Variants in ZNF316 observed in about 807,000 individuals in gnomAD.
The protein encoded by ZNF316 is zinc finger protein 316.
A neutral mutation model predicts 75.6 loss-of-function variants in ZNF316; 23 were observed. The ratio of observed to expected loss-of-function variants is 0.30; its 90% CI spans 0.22 to 0.43. ZNF316 has a LOEUF of 0.43. Among genes scored for constraint, ZNF316 ranks in the 20% least tolerant of loss-of-function variants. ZNF316 has a pLI of 1.00. For synonymous variants in ZNF316, 827 were observed against 666.2 expected (o/e 1.24, Z -3.72); for missense variants, 1,266 against 1,409.4 (o/e 0.90, Z 1.63).
In ZNF316 at chr7:6,643,936, C is replaced by G; in HGVS notation, c.580C>G (p.Leu194Val). The G allele has an allele frequency of 8.1e-7, 1 of 1,232,932 alleles. No individual in the cohort carries two copies. The highest frequency in any genetic ancestry group is 1.0e-6 in the Non-Finnish European group (1 of 988,464). 76.4% of individuals were successfully genotyped at this position (1,232,932 alleles called of 1,614,324 possible). Residue 194 changes from leucine (L) to valine (V), a missense_variant, in exon 7 of 9, where the codon CTC (leucine) becomes GTC (valine). By Grantham distance (32) the Leu-to-Val change is conservative (BLOSUM62 1). This residue lies in a region of ZNF316 where 961 missense variants were observed against 990.9 expected (regional missense o/e 0.97). Coordinates refer to ENST00000382252, the MANE Select transcript of ZNF316 (RefSeq NM_001278559.2). ...AGTCATGCAGGAGAACTATGGGATT[C>G]TCGTGTCCTTGGGTAAGGACGGGAC... The part of the protein sequence containing the change: ...QEVMQENYGI[L>V]VSLGYPIPKP...
At chr7:6,644,651 A>C in intron 8 of ZNF316, 58 bp downstream of exon 8, 1 of 1,062,698 alleles carries the variant, frequency 9.4e-7, no homozygotes. Flanking sequence ...CTGTTGTCAA[A>C]CTTTGGCCTT....
chr7:6,645,943 A>G (rs1453547087), intron 8 of ZNF316, among the ~76,000 whole-genome samples: 28 of 149,230 alleles, frequency 1.9e-4, no homozygotes. Context: ...GCAGTGGGCC[A>G]AGACTGCGCC....
intron 8 of ZNF316, among the ~76,000 whole-genome samples, chr7:6,646,240 T>C (rs1418756300): frequency 1.3e-5 from 2 of 152,162 alleles, no homozygotes; most frequent in Non-Finnish European, 2.9e-5. Context: ...CTCCAGATAC[T>C]TGGGGACCCT....
At position 6,652,579 on chromosome 7, in the gene ZNF316, C is replaced by T. The variant is rs1278063241; in HGVS notation, c.983C>T (p.Ser328Leu). The change falls in exon 9 of 9, where the codon TCG becomes TTG. Residue 328 changes from serine to leucine, a missense_variant. By Grantham distance (145) the Ser-to-Leu change is moderately radical (BLOSUM62 -2). This residue lies in a region of ZNF316 where 961 missense variants were observed against 990.9 expected (regional missense o/e 0.97). Transcript: ENST00000382252. ...PGREPGANLL[S>L]PWAFPAAVAP... ...CGGGAGCCGGGTGCGAACCTGCTGTCGCCCTGGGCGTTCCCCGCCGCAGTG... is the reference window on the plus strand; with the variant it reads ...CGGGAGCCGGGTGCGAACCTGCTGTTGCCCTGGGCGTTCCCCGCCGCAGTG... 9.8e-6 allele frequency: 12 copies of T among 1,230,648 alleles called. No homozygotes were observed. The highest frequency in any genetic ancestry group is 6.3e-5 in the East Asian group (2 of 31,660). The allele number at this position is 1,230,648 out of a possible 1,614,324, so 76.2% of individuals were successfully genotyped here. A position where few individuals can be genotyped will look rare whatever the true frequency, so the allele number is the denominator to read the frequency against.
At position 6,640,417 on chromosome 7, in the gene ZNF316, G is replaced by A. The variant is rs995687749; in HGVS notation, c.-167+1276G>A. The stretch of plus-strand genomic sequence containing the variant: ...AGGGGGAGTAGGTATGTCACATGGC[G>A]AAAACAGGAACAAGCAAGAGAGAGT... On this transcript the variant is annotated intron_variant, in intron 3 of 8. Coordinates refer to ENST00000382252, the MANE Select transcript of ZNF316 (RefSeq NM_001278559.2). The surrounding 1 kb of genome is among the most constrained non-coding windows in gnomAD (Gnocchi z 5.1). 3.9e-5 allele frequency among the ~76,000 whole-genome samples: 6 copies of A among 152,206 alleles called. No individual in the cohort carries two copies. The highest frequency in any genetic ancestry group is 1.2e-4 in the African/African-American group (5 of 41,542).
chr7:6,650,773 G>T (rs911225861), intron 8 of ZNF316, among the ~76,000 whole-genome samples: 1 of 152,120 alleles, frequency 6.6e-6, no homozygotes, highest in South Asian at 2.1e-4. Context: ...TGAGACTGTC[G>T]GGCAGACACC....
intron 8 of ZNF316, among the ~76,000 whole-genome samples, chr7:6,647,134 G>A (rs1779419731): frequency 6.6e-6 from 1 of 152,194 alleles, no homozygotes; most frequent in Non-Finnish European, 1.5e-5. Flanking sequence ...GGCCAGCCCT[G>A]TACTTGTGGG....
chr7:6,649,951 T>C (rs901110234), intron 8 of ZNF316, among the ~76,000 whole-genome samples: 1 of 152,172 alleles, frequency 6.6e-6, no homozygotes, highest in African/African-American at 2.4e-5. Context: ...TCTGGGCAGC[T>C]GAGACTTCTG....
chr7:6,651,025 GA>G (rs1339593269), intron 8 of ZNF316, among the ~76,000 whole-genome samples: 3 of 152,204 alleles, frequency 2.0e-5, no homozygotes, highest in African/African-American at 4.8e-5. Context: ...CTTGGTGTGA[GA>G]GGGGCAGAAT....
In ZNF316 at chr7:6,654,671, C is replaced by G. The variant is rs1487028251; in HGVS notation, c.*60C>G. On this transcript the variant is annotated 3_prime_UTR_variant, in exon 9 of 9. Transcript: ENST00000382252. ...GCCACCGGCCCCTCCCTTGGACGGC[C>G]GGCCCCCCGCTCCTCGGGCCCCGGG... 8.7e-7 allele frequency: 1 copy of G among 1,144,376 alleles called. No individual in the cohort carries two copies. The highest frequency in any genetic ancestry group is 1.6e-5 in the African/African-American group (1 of 60,730). 70.9% of individuals were successfully genotyped at this position (1,144,376 alleles called of 1,614,324 possible). A position where few individuals can be genotyped will look rare whatever the true frequency, so the allele number is the denominator to read the frequency against.
At position 6,653,876 on chromosome 7, in the gene ZNF316, G is replaced by A. The variant is rs1417533564; in HGVS notation, c.2280G>A (p.Ser760=). 6 of 1,096,704 alleles carry A rather than the reference G, an allele frequency of 5.5e-6. No homozygotes were observed. The highest frequency in any genetic ancestry group is 1.7e-5 in the African/African-American group (1 of 58,950). The allele number at this position is 1,096,704 out of a possible 1,614,324, so 67.9% of individuals were successfully genotyped here. Residue 760 remains serine (S), a synonymous_variant, in exon 9 of 9, where the codon TCG becomes TCA. Coordinates refer to ENST00000382252, the MANE Select transcript of ZNF316 (RefSeq NM_001278559.2). ...PECGARFARG[S]HLAAHVRGHT... is the part of the protein sequence containing the mutation. Reference sequence around the variant, plus strand: ...GCGGCGCGCGGTTCGCCCGCGGCTCGCACTTGGCGGCGCACGTGCGCGGCC... The same window carrying A: ...GCGGCGCGCGGTTCGCCCGCGGCTCACACTTGGCGGCGCACGTGCGCGGCC...
At chr7:6,644,846 T>C (rs1779371526) in intron 8 of ZNF316, among the ~76,000 whole-genome samples, 1 of 152,194 alleles carries the variant, frequency 6.6e-6, no homozygotes, top group African/African-American at 2.4e-5. Flanking sequence ...TGTGAATTTC[T>C]TTGCATGTGA....
At position 6,657,909 on chromosome 7, in the gene ZNF316, A is replaced by C. The variant is rs1310962988; in HGVS notation, c.*3298A>C. Among the ~76,000 whole-genome samples, 2 of 152,004 alleles carry C rather than the reference A, an allele frequency of 1.3e-5. No homozygotes were observed. The highest frequency in any genetic ancestry group is 4.8e-5 in the African/African-American group (2 of 41,386). ...CTGTCCAGCCAAATACTTAAAAAAAAAGTTTATAGGGAGAAAAATACCCTC... is the reference window on the plus strand; with the variant it reads ...CTGTCCAGCCAAATACTTAAAAAAACAGTTTATAGGGAGAAAAATACCCTC... On this transcript the variant is annotated 3_prime_UTR_variant, in exon 9 of 9. Coordinates refer to ENST00000382252, the MANE Select transcript of ZNF316 (RefSeq NM_001278559.2).
chr7:6,646,189 C>G (rs1282918238), intron 8 of ZNF316, among the ~76,000 whole-genome samples: 1 of 152,062 alleles, frequency 6.6e-6, no homozygotes, highest in East Asian at 1.9e-4. Context: ...CCTGCCAGTC[C>G]CTCCTCTGTG....
rs75672741 is a variant in ZNF316, at chr7:6,639,809, G to A, written c.-167+668G>A. 4.8e-4 allele frequency among the ~76,000 whole-genome samples: 73 copies of A among 152,328 alleles called. No individual in the cohort carries two copies. In the East Asian group the frequency reaches 0.013, roughly 27 times the overall value. ...GAAACCGTTGCTGCGTGTACCCAGC[G>A]CCCTGAGTGCTGGGCAGGGCCGTGT... is the stretch of plus-strand genomic sequence containing the variant. On this transcript the variant is annotated intron_variant, in intron 3 of 8. Coordinates refer to ENST00000382252, the MANE Select transcript of ZNF316 (RefSeq NM_001278559.2). This position sits in a 1 kb window ranked among gnomAD's most constrained non-coding sequence, Gnocchi z 4.2.
chr7:6,650,486 T>C (rs1182044996), intron 8 of ZNF316, among the ~76,000 whole-genome samples: 1 of 152,200 alleles, frequency 6.6e-6, no homozygotes, highest in African/African-American at 2.4e-5. Flanking sequence ...AAGCCGGGCC[T>C]GTGTGGGTCT....
intron 8 of ZNF316, among the ~76,000 whole-genome samples, chr7:6,647,457 G>T (rs542982561): frequency 3.3e-5 from 5 of 152,368 alleles, no homozygotes; most frequent in African/African-American, 1.2e-4. Flanking sequence ...CCTCCTTTGC[G>T]ACTGTCCCCC....
In ZNF316 at chr7:6,656,447, C is replaced by G. The variant is rs1271566345; in HGVS notation, c.*1836C>G. On this transcript the variant is annotated 3_prime_UTR_variant, in exon 9 of 9. Transcript: ENST00000382252. Reference sequence around the variant, plus strand: ...GACAAACTGAACTTCTGACTGGACTCCATGCTGTCGCCACTCCTGGGAACC... The same window carrying G: ...GACAAACTGAACTTCTGACTGGACTGCATGCTGTCGCCACTCCTGGGAACC... 1 of 152,230 alleles carries G rather than the reference C, an allele frequency of 6.6e-6. No individual in the cohort carries two copies. The highest frequency in any genetic ancestry group is 1.5e-5 in the Non-Finnish European group (1 of 68,028). The allele number at this position is 152,230 out of a possible 1,614,324, so 9.4% of individuals were successfully genotyped here.
intron 8 of ZNF316, among the ~76,000 whole-genome samples, chr7:6,650,400 T>TA (rs1363221689): frequency 2.6e-5 from 4 of 152,232 alleles, no homozygotes; most frequent in Admixed American, 2.6e-4. Context: ...AGTAAACCGA[T>TA]AAAGTATCAT....
Sources: allele counts gnomAD v4.1 joint callset (sites outside exome capture counted in the v4.1 genomes callset), GRCh38; gene constraint gnomAD v4.1.1; regional missense constraint gnomAD v4.1.1; non-coding constraint Gnocchi (gnomAD v3.1); transcripts MANE v1.5; gene names NCBI Gene and HGNC (gene_info 2026-07-23, HGNC 2026-07-21).